Variants in CADM2 observed in about 807,000 individuals in gnomAD.
CADM2 encodes cell adhesion molecule 2.
In CADM2, 12 loss-of-function variants were observed where a neutral mutation model predicts 49.8. The ratio of observed to expected loss-of-function variants is 0.24; its 90% CI spans 0.15 to 0.39. The LOEUF is 0.39. CADM2 is among the 10% of genes least tolerant of loss of function. The pLI, the probability that CADM2 is intolerant of heterozygous loss-of-function variation, is 1.00. For synonymous variants in CADM2, 214 were observed against 175.4 expected, an observed-to-expected ratio of 1.22 and a Z score of -1.74; for missense variants, 378 against 492.3, an observed-to-expected ratio of 0.77 and a Z score of 2.20.
intron 1 of CADM2, among the ~76,000 whole-genome samples, chr3:85,600,520 T>A (rs1028770654): frequency 2.0e-5 from 3 of 151,856 alleles, no homozygotes; most frequent in Non-Finnish European, 4.4e-5. Flanking sequence ...AGCAAGAATG[T>A]TTATGTCTTT....
At chr3:85,642,198 C>G (rs982148065) in intron 1 of CADM2, among the ~76,000 whole-genome samples, 3 of 152,076 alleles carry the variant, frequency 2.0e-5, no homozygotes, top group African/African-American at 7.2e-5. Context: ...ATACTGCTAC[C>G]CAGTTTTGAG....
At chr3:86,026,152 T>C (rs914671675) in intron 8 of CADM2, among the ~76,000 whole-genome samples, 7 of 152,142 alleles carry the variant, frequency 4.6e-5, no homozygotes, top group Non-Finnish European at 1.0e-4. Flanking sequence ...GAAACAGTTT[T>C]CAAGAAGTTA....
At chr3:85,790,887 G>A (rs1292228549) in intron 2 of CADM2, among the ~76,000 whole-genome samples, 1 of 152,158 alleles carries the variant, frequency 6.6e-6, no homozygotes, top group African/African-American at 2.4e-5. Context: ...GCACCAGACT[G>A]ATGGCCATGC....
chr3:85,345,271 G>A (rs1488899406), intron 1 of CADM2, among the ~76,000 whole-genome samples: 13 of 111,118 alleles, frequency 1.2e-4, no homozygotes, highest in Non-Finnish European at 1.6e-4. Flanking sequence ...CTGAGATCAT[G>A]CCATTGCACT....
chr3:85,575,778 T>G (rs1370255834), intron 1 of CADM2, among the ~76,000 whole-genome samples: 1 of 152,106 alleles, frequency 6.6e-6, no homozygotes, highest in Non-Finnish European at 1.5e-5. Flanking sequence ...GAAGGGGAAC[T>G]GTGTATAGGA....
At chr3:85,256,368 T>C (rs1055266342) in intron 1 of CADM2, among the ~76,000 whole-genome samples, 13 of 152,212 alleles carry the variant, frequency 8.5e-5, no homozygotes, top group African/African-American at 2.6e-4. Flanking sequence ...ACCTGTAGGA[T>C]TGAAAGTCTG....
intron 3 of CADM2, among the ~76,000 whole-genome samples, chr3:85,880,614 C>G (rs1359240084): frequency 1.3e-5 from 2 of 152,176 alleles, no homozygotes; most frequent in African/African-American, 4.8e-5. Flanking sequence ...GAAAAATGCA[C>G]CACTTCCTCT....
chr3:85,142,940 T>C (rs1403125719), intron 1 of CADM2, among the ~76,000 whole-genome samples: 1 of 152,212 alleles, frequency 6.6e-6, no homozygotes, highest in Admixed American at 6.5e-5. Context: ...AGTAATTATT[T>C]TTCCAATTTG....
At chr3:85,287,050 A>G (rs1359282902) in intron 1 of CADM2, among the ~76,000 whole-genome samples, 1 of 152,124 alleles carries the variant, frequency 6.6e-6, no homozygotes, top group African/African-American at 2.4e-5. Flanking sequence ...TATTATTTAC[A>G]TCTTTGGAGT....
chr3:85,907,817 A>G (rs552857794), intron 5 of CADM2, among the ~76,000 whole-genome samples: 9 of 152,098 alleles, frequency 5.9e-5, no homozygotes, highest in Admixed American at 5.9e-4. Context: ...AGGCTGAGGC[A>G]GGAGAATCAC....
chr3:85,288,787 C>CCCCA lies in CADM2; in HGVS notation c.61+329122_61+329123insACCC, dbSNP rs1406053855. ...CAGTATTCTGCTTTACCAATATGCC[C>CCCCA]CCCCCCCCTCTTTTTTTCCATCATG... On this transcript the variant is annotated intron_variant, in intron 1 of 9. Coordinates refer to ENST00000383699, the MANE Select transcript of CADM2 (RefSeq NM_001167675.2). Among the ~76,000 whole-genome samples, 4 of 107,236 alleles carry CCCCA rather than the reference C, an allele frequency of 3.7e-5. 2 individuals are homozygous for CCCCA. The highest frequency in any genetic ancestry group is 7.2e-5 in the Non-Finnish European group (4 of 55,668). 70.4% of individuals were successfully genotyped at this position (107,236 alleles called of 152,430 possible).
intron 1 of CADM2, among the ~76,000 whole-genome samples, chr3:85,479,596 C>T (rs553152732): frequency 1.6e-3 from 244 of 152,020 alleles, no homozygotes; most frequent in Non-Finnish European, 1.4e-3. Context: ...TTTCATGACA[C>T]TTCAATGCAT....
intron 1 of CADM2, among the ~76,000 whole-genome samples, chr3:85,214,420 TG>T (rs1032439389): frequency 2.0e-5 from 3 of 152,088 alleles, no homozygotes; most frequent in African/African-American, 7.2e-5. Context: ...GCCCAAGACC[TG>T]TGGTGGTCAC....
At chr3:85,707,282 C>G (rs2066979663) in intron 1 of CADM2, among the ~76,000 whole-genome samples, 1 of 151,698 alleles carries the variant, frequency 6.6e-6, no homozygotes. Flanking sequence ...GGATGTAAAA[C>G]TGATTTGTCT....
intron 1 of CADM2, among the ~76,000 whole-genome samples, chr3:85,464,876 C>G (rs1385408523): frequency 6.6e-6 from 1 of 152,164 alleles, no homozygotes; most frequent in African/African-American, 2.4e-5. Flanking sequence ...TTTGGCCAAG[C>G]TCAGTGGCTC....
chr3:85,970,675 A>G (rs1726012305), intron 8 of CADM2, among the ~76,000 whole-genome samples: 1 of 151,596 alleles, frequency 6.6e-6, no homozygotes. Context: ...CAGTTAACAA[A>G]CATTTATGTC....
At chr3:85,585,175 A>G (rs62250502) in intron 1 of CADM2, among the ~76,000 whole-genome samples, 77,838 of 151,552 alleles carry the variant, frequency 0.51, 22,986 homozygotes, top group East Asian at 0.85. Context: ...CTCTGTTGAA[A>G]CCACCTGGCC....
intron 2 of CADM2, among the ~76,000 whole-genome samples, chr3:85,753,144 G>A (rs2068942482): frequency 2.0e-5 from 3 of 152,172 alleles, no homozygotes; most frequent in African/African-American, 7.2e-5. Context: ...GATATTGGGA[G>A]CTGTGCTGTA....
At chr3:85,525,259 C>T (rs1576718424) in intron 1 of CADM2, among the ~76,000 whole-genome samples, 1 of 152,112 alleles carries the variant, frequency 6.6e-6, no homozygotes, top group Non-Finnish European at 1.5e-5. Context: ...ATTCAGCATC[C>T]AATTTCTTCT....
Sources: allele counts gnomAD v4.1 joint callset (sites outside exome capture counted in the v4.1 genomes callset), GRCh38; gene constraint gnomAD v4.1.1; transcripts MANE v1.5; gene names NCBI Gene and HGNC (gene_info 2026-07-23, HGNC 2026-07-21).